RIMKLB: variants seen among roughly 807,000 people sequenced by gnomAD.
RIMKLB encodes the protein beta-citrylglutamate synthase B.
Under a neutral mutation model 32.0 loss-of-function variants are expected in RIMKLB, and 7 were observed. The ratio of observed to expected loss-of-function variants is 0.22; its 90% CI spans 0.12 to 0.41. The LOEUF is 0.41. Among genes scored for constraint, RIMKLB ranks in the 10% least tolerant of loss-of-function variants. The probability of loss-of-function intolerance (pLI) is 1.00; values close to 1 mark genes in which losing one functional copy is unlikely to be tolerated. For missense variants in RIMKLB, 289 were observed against 498.7 expected, an observed-to-expected ratio of 0.58 and a Z score of 4.00; for synonymous variants, 172 against 185.1, an observed-to-expected ratio of 0.93 and a Z score of 0.57.
chr12:8,721,293 C>T (rs1945416464), intron 2 of RIMKLB, among the ~76,000 whole-genome samples: 1 of 152,180 alleles, frequency 6.6e-6, no homozygotes, highest in African/African-American at 2.4e-5. Flanking sequence ...AAATTTGCCC[C>T]ATTGACATTA....
rs9783460 is a variant in RIMKLB at position 8,774,924 on chromosome 12, C to T, written c.*1140C>T. The T allele has an allele frequency of 2.4e-5, 24 of 985,484 alleles. No individual in the cohort carries two copies. The highest frequency in any genetic ancestry group is 2.9e-5 in the Non-Finnish European group (24 of 829,866). The allele number at this position is 985,484 out of a possible 1,614,324, so 61.0% of individuals were successfully genotyped here. The stretch of plus-strand genomic sequence containing the variant: ...TGTGTATGTGTTTTGCTTTTTGTTT[C>T]CATCAACTAATCAAAAAGGATAATT... On this transcript the variant is annotated 3_prime_UTR_variant, in exon 6 of 6. Transcript: ENST00000535829.
chr12:8,698,960 C>G (rs915963806), intron 1 of RIMKLB, among the ~76,000 whole-genome samples: 19 of 151,730 alleles, frequency 1.3e-4, no homozygotes, highest in African/African-American at 4.4e-4. Flanking sequence ...TCACCCCCCC[C>G]CAAAAAAAAC....
At chr12:8,752,295 G>A (rs1264876824) in intron 4 of RIMKLB, among the ~76,000 whole-genome samples, 1 of 152,182 alleles carries the variant, frequency 6.6e-6, no homozygotes, top group Non-Finnish European at 1.5e-5. Flanking sequence ...AAGACCGCCC[G>A]TAATCCCAGC....
intron 5 of RIMKLB, among the ~76,000 whole-genome samples, chr12:8,762,239 A>G (rs1949588146): frequency 1.3e-5 from 2 of 152,168 alleles, no homozygotes. Flanking sequence ...GGTTTTAAGT[A>G]ACTACCATTG....
intron 2 of RIMKLB, among the ~76,000 whole-genome samples, chr12:8,725,504 C>G (rs7961340): frequency 0.071 from 10,800 of 152,148 alleles, 1,248 homozygotes; most frequent in African/African-American, 0.24. Flanking sequence ...TCTCACCTGA[C>G]GTCAGGATGC....
At chr12:8,687,924 G>T (rs1022178402) in intron 1 of RIMKLB, among the ~76,000 whole-genome samples, 10 of 152,160 alleles carry the variant, frequency 6.6e-5, no homozygotes, top group African/African-American at 2.2e-4. Context: ...CTGCAGTTAG[G>T]ACTTGGAGAA....
chr12:8,710,603 G>T (rs1287614155), intron 1 of RIMKLB, among the ~76,000 whole-genome samples: 6 of 152,082 alleles, frequency 3.9e-5, no homozygotes, highest in Non-Finnish European at 7.4e-5. Flanking sequence ...ATCATGCCTG[G>T]CCTAGAAAAA....
intron 2 of RIMKLB, among the ~76,000 whole-genome samples, chr12:8,744,525 C>T (rs900132809): frequency 2.0e-5 from 3 of 151,644 alleles, no homozygotes; most frequent in Admixed American, 6.6e-5. Flanking sequence ...TGTCTTTCTT[C>T]CTGATGACTC....
At chr12:8,767,735 C>G (rs898671234) in intron 5 of RIMKLB, among the ~76,000 whole-genome samples, 10 of 152,174 alleles carry the variant, frequency 6.6e-5, no homozygotes, top group Admixed American at 1.3e-4. Context: ...GAAGCTGGTT[C>G]CAGGCAGACC....
chr12:8,758,914 T>G (rs913550304), intron 5 of RIMKLB, among the ~76,000 whole-genome samples: 1 of 152,160 alleles, frequency 6.6e-6, no homozygotes, highest in Non-Finnish European at 1.5e-5. Context: ...GTACTATGGG[T>G]AGATATCTGA....
intron 5 of RIMKLB, among the ~76,000 whole-genome samples, chr12:8,768,206 AG>A (rs1950129506): frequency 1.3e-5 from 2 of 152,244 alleles, no homozygotes; most frequent in Non-Finnish European, 2.9e-5. Context: ...TTAGTTGTGC[AG>A]GAACAATGGC....
chr12:8,694,251 CAATAAA>C (rs1942818236), upstream of RIMKLB, among the ~76,000 whole-genome samples: 1 of 151,888 alleles, frequency 6.6e-6, no homozygotes, highest in African/African-American at 2.4e-5. Context: ...AAACAAAAAA[CAATAAA>C]AATAGAGACA....
At chr12:8,739,685 GA>G (rs749920683) in intron 2 of RIMKLB, among the ~76,000 whole-genome samples, 1 of 152,146 alleles carries the variant, frequency 6.6e-6, no homozygotes, top group Non-Finnish European at 1.5e-5. Context: ...TGTTGCTCAG[GA>G]TGATCTTGAA....
the RIMKLB span, among the ~76,000 whole-genome samples, chr12:8,673,817 G>T: frequency 2.0e-5 from 3 of 151,980 alleles, no homozygotes. Flanking sequence ...GACTAGTCTC[G>T]AATTCCTGAC....
At chr12:8,757,254 G>T (rs1342734727) in intron 5 of RIMKLB, among the ~76,000 whole-genome samples, 1 of 151,982 alleles carries the variant, frequency 6.6e-6, no homozygotes, top group Non-Finnish European at 1.5e-5. Context: ...AGGTGCTGTG[G>T]CTCAGTCCTG....
Position 8,713,710 on chromosome 12 carries a change from T to G in RIMKLB, c.-56-101T>G, listed in dbSNP as rs117746237. The G allele has an allele frequency of 1.3e-3, 985 of 740,970 alleles. 9 individuals carry two copies. The East Asian group carries it at 0.02, about 15-fold the overall frequency. The allele number at this position is 740,970 out of a possible 1,614,324, so 45.9% of individuals were successfully genotyped here. ...TATCTCTACACGTGTTTTTTCCTGT[T>G]TATATAATTAGTATATAATCACGGC... On this transcript the variant is annotated intron_variant, in intron 1 of 5. Coordinates refer to ENST00000535829, the MANE Select transcript of RIMKLB (RefSeq NM_001297776.2).
intron 5 of RIMKLB, among the ~76,000 whole-genome samples, chr12:8,758,930 C>T (rs1199917363): frequency 6.6e-6 from 1 of 152,144 alleles, no homozygotes; most frequent in Non-Finnish European, 1.5e-5. Context: ...TCTGATAGAG[C>T]AAGAGCCTCT....
At chr12:8,737,680 A>G (rs1043489885) in intron 2 of RIMKLB, among the ~76,000 whole-genome samples, 1 of 152,016 alleles carries the variant, frequency 6.6e-6, no homozygotes, top group Non-Finnish European at 1.5e-5. Context: ...TGTATTTATT[A>G]GTTGGTATTG....
upstream of RIMKLB, among the ~76,000 whole-genome samples, chr12:8,676,641 C>T (rs1039836870): frequency 6.6e-6 from 1 of 151,846 alleles, no homozygotes; most frequent in Admixed American, 6.6e-5. Flanking sequence ...TCAAGTGGTC[C>T]ACCCGCCTCG....
Sources: allele counts gnomAD v4.1 joint callset (sites outside exome capture counted in the v4.1 genomes callset), GRCh38; gene constraint gnomAD v4.1.1; transcripts MANE v1.5; gene names NCBI Gene and HGNC (gene_info 2026-07-23, HGNC 2026-07-21).